The following NICOL1 variants were observed in gnomAD, a reference collection of about 807,000 sequenced individuals.
The protein encoded by NICOL1 is NELL2-interacting cell ontogeny regulator 1.
chr4:2,043,343 A>G, the NICOL1 span, among the ~76,000 whole-genome samples: 1 of 152,042 alleles, frequency 6.6e-6, no homozygotes, highest in Non-Finnish European at 1.5e-5. Flanking sequence ...GCAGCCAAGG[A>G]GTTTTTGTTT....
chr4:2,042,693 A>T, the NICOL1 span: 3 of 1,184,806 alleles, frequency 2.5e-6, no homozygotes, highest in Non-Finnish European at 3.5e-6. Context: ...CTTGCGGGTG[A>T]CCCCCCCTGC....
chr4:2,039,870 T>C, the NICOL1 span, among the ~76,000 whole-genome samples: 1 of 152,034 alleles, frequency 6.6e-6, no homozygotes, highest in African/African-American at 2.4e-5. Flanking sequence ...AATTAATATA[T>C]ATAATTCTGT....
the NICOL1 span, among the ~76,000 whole-genome samples, chr4:2,040,909 C>G: frequency 6.6e-6 from 1 of 151,150 alleles, no homozygotes; most frequent in African/African-American, 2.4e-5. Flanking sequence ...GCTCTGACCA[C>G]GCGAGAAGCA....
At chr4:2,041,816 C>T in the NICOL1 span, 51 of 631,204 alleles carry the variant, frequency 8.1e-5, no homozygotes, top group Non-Finnish European at 1.2e-4. Flanking sequence ...CCAGGCAGTC[C>T]TCTAGACTGC....
At chr4:2,042,283 C>T in the NICOL1 span, 3 of 457,634 alleles carry the variant, frequency 6.6e-6, no homozygotes, top group Non-Finnish European at 6.7e-6. Flanking sequence ...CTCACCGGCC[C>T]GGGGCGGGCG....
the NICOL1 span, among the ~76,000 whole-genome samples, chr4:2,041,047 G>A: frequency 1.5e-4 from 23 of 152,068 alleles, no homozygotes; most frequent in African/African-American, 5.3e-4. Flanking sequence ...CGAGCGGGGC[G>A]GCCTCCAGGT....
At chr4:2,040,819 A>G in the NICOL1 span, among the ~76,000 whole-genome samples, 1 of 152,112 alleles carries the variant, frequency 6.6e-6, no homozygotes, top group Non-Finnish European at 1.5e-5. Context: ...AGGCAGCGGC[A>G]GTCACGGGCA....
the NICOL1 span, among the ~76,000 whole-genome samples, chr4:2,038,237 G>GTGTGTATATATATATATATA: frequency 3.3e-5 from 3 of 91,454 alleles, no homozygotes; most frequent in African/African-American, 1.1e-4. Context: ...TGATCAGTGT[G>GTGTGTATATATATATATATA]TATATATATA....
chr4:2,042,917 G>A, the NICOL1 span: 1 of 824,482 alleles, frequency 1.2e-6, no homozygotes, highest in Non-Finnish European at 1.8e-6. Flanking sequence ...GGAGTGGAGT[G>A]TCCCTCATCC....
chr4:2,042,724 C>T, the NICOL1 span: 1 of 1,503,680 alleles, frequency 6.7e-7, no homozygotes, highest in African/African-American at 1.4e-5. Flanking sequence ...CCCTGACCCG[C>T]GCCCCCCGCA....
the NICOL1 span, chr4:2,042,363 G>A: frequency 7.8e-6 from 4 of 511,980 alleles, no homozygotes; most frequent in Non-Finnish European, 1.4e-5. Flanking sequence ...TGGCCCCCCC[G>A]CCCGCGTGCC....
the NICOL1 span, chr4:2,042,078 G>A: frequency 2.0e-6 from 3 of 1,483,392 alleles, no homozygotes; most frequent in Non-Finnish European, 2.7e-6. Context: ...GGTAAGGGCG[G>A]TGGTGCGGGC....
At chr4:2,043,767 C>T in the NICOL1 span, 2 of 981,452 alleles carry the variant, frequency 2.0e-6, no homozygotes, top group East Asian at 5.5e-5. Context: ...GTCTCAGGAG[C>T]CGGTGGAGAT....
At chr4:2,042,818 C>T in the NICOL1 span, 1 of 1,492,284 alleles carries the variant, frequency 6.7e-7, no homozygotes, top group South Asian at 1.2e-5. Context: ...GCAGCCTGGA[C>T]GCGCGGGTGA....
chr4:2,038,237 GTATATATATATATATATA>G, the NICOL1 span, among the ~76,000 whole-genome samples: 184 of 91,466 alleles, frequency 2.0e-3, 2 homozygotes, highest in East Asian at 0.023. Context: ...TGATCAGTGT[GTATATATATATATATATA>G]TATATATATA....
the NICOL1 span, among the ~76,000 whole-genome samples, chr4:2,043,358 C>T: frequency 0.017 from 2,547 of 152,180 alleles, 79 homozygotes; most frequent in African/African-American, 0.058. Context: ...TTGTTTGTGC[C>T]GGGGCTCAAG....
At chr4:2,039,779 G>A in the NICOL1 span, among the ~76,000 whole-genome samples, 29 of 152,164 alleles carry the variant, frequency 1.9e-4, no homozygotes, top group African/African-American at 5.3e-4. Flanking sequence ...GGTGGAGGTC[G>A]CAGTGAGCCT....
At chr4:2,042,595 G>A in the NICOL1 span, 1 of 514,048 alleles carries the variant, frequency 1.9e-6, no homozygotes, top group East Asian at 3.5e-5. Context: ...CCGGGAGCGG[G>A]TCCTCCCCTT....
chr4:2,038,235 G>GTGTA, the NICOL1 span, among the ~76,000 whole-genome samples: 3 of 84,558 alleles, frequency 3.5e-5, no homozygotes, highest in South Asian at 4.0e-4. Flanking sequence ...AGTGATCAGT[G>GTGTA]TGTATATATA....
Sources: allele counts gnomAD v4.1 joint callset (sites outside exome capture counted in the v4.1 genomes callset), GRCh38; gene constraint gnomAD v4.1.1; transcripts MANE v1.5; gene names NCBI Gene and HGNC (gene_info 2026-07-23, HGNC 2026-07-21).